Variants in CCDC148 observed in about 807,000 individuals in gnomAD.
CCDC148 encodes the protein coiled-coil domain-containing protein 148.
In CCDC148, 89 loss-of-function variants were observed where a neutral mutation model predicts 85.7. That is an observed-to-expected ratio of 1.04 (90% CI 0.87 to 1.24). The LOEUF (loss-of-function observed/expected upper bound fraction) is 1.24. Ranked by LOEUF, CCDC148 falls within the 50% of genes most tolerant of loss-of-function variation. The probability of loss-of-function intolerance (pLI) is 0.00; values close to 1 mark genes in which losing one functional copy is unlikely to be tolerated. For missense variants in CCDC148, 692 were observed against 671.7 expected, an observed-to-expected ratio of 1.03 and a Z score of -0.33; for synonymous variants, 230 against 213.9, an observed-to-expected ratio of 1.08 and a Z score of -0.66.
chr2:158,283,516 CAG>C (rs1340663891), intron 9 of CCDC148, among the ~76,000 whole-genome samples: 2 of 152,166 alleles, frequency 1.3e-5, no homozygotes, highest in Non-Finnish European at 1.5e-5. Flanking sequence ...CCAAAAGACA[CAG>C]GAAAAAATGC....
intron 1 of CCDC148, among the ~76,000 whole-genome samples, chr2:158,415,941 A>C (rs58834821): frequency 0.17 from 25,351 of 152,196 alleles, 2,276 homozygotes; most frequent in Middle Eastern, 0.21. Flanking sequence ...GAGGTTCTCC[A>C]TGAGGGCTCT....
intron 1 of CCDC148, among the ~76,000 whole-genome samples, chr2:158,396,412 A>G (rs1021245177): frequency 5.3e-5 from 8 of 152,138 alleles, no homozygotes; most frequent in African/African-American, 1.9e-4. Context: ...GTCAGTTGCC[A>G]TTTATCATCT....
At chr2:158,322,789 T>A (rs1692579491) in intron 7 of CCDC148, among the ~76,000 whole-genome samples, 1 of 152,062 alleles carries the variant, frequency 6.6e-6, no homozygotes, top group South Asian at 2.1e-4. Flanking sequence ...AATTGTTAAA[T>A]CATTGTGGGT....
chr2:158,223,379 G>T (rs149810774), intron 10 of CCDC148, among the ~76,000 whole-genome samples: 2 of 152,200 alleles, frequency 1.3e-5, no homozygotes, highest in African/African-American at 2.4e-5. Flanking sequence ...TGCCTCTGTA[G>T]ACTCCACTCT....
At chr2:158,431,810 TGC>T in intron 1 of CCDC148, among the ~76,000 whole-genome samples, 1 of 152,180 alleles carries the variant, frequency 6.6e-6, no homozygotes, top group South Asian at 2.1e-4. Context: ...TGATGGTGTG[TGC>T]CTGTAATCGC....
At chr2:158,451,697 G>A (rs6744011) in intron 1 of CCDC148, among the ~76,000 whole-genome samples, 1 of 151,726 alleles carries the variant, frequency 6.6e-6, no homozygotes, top group Non-Finnish European at 1.5e-5. Context: ...GAGAGTAGGG[G>A]ATAGAGACAC....
rs528029135 is a variant in CCDC148, at chr2:158,393,408, G to A, written c.26-34838C>T. Reference sequence around the variant, plus strand: ...GCTTAGGATGGAGGGCCAAGGTGGAGAAAGATAGGACAGGTGATGTATAAG... The same window carrying A: ...GCTTAGGATGGAGGGCCAAGGTGGAAAAAGATAGGACAGGTGATGTATAAG... On this transcript the variant is annotated intron_variant, in intron 1 of 13. Coordinates refer to ENST00000283233, the MANE Select transcript of CCDC148 (RefSeq NM_138803.4). 4 of 152,298 alleles carry A rather than the reference G, an allele frequency of 2.6e-5. No homozygotes were observed. The South Asian group carries it at 6.2e-4, about 24-fold the overall frequency. 9.4% of individuals were successfully genotyped at this position (152,298 alleles called of 1,614,324 possible).
In CCDC148 at chr2:158,322,757, G is replaced by A. The variant is rs556551180; in HGVS notation, c.765-8863C>T. Among the ~76,000 whole-genome samples, 3 of 152,108 alleles carry A rather than the reference G, an allele frequency of 2.0e-5. No individual in the cohort carries two copies. In the East Asian group the frequency reaches 5.8e-4, roughly 29 times the overall value. On this transcript the variant is annotated intron_variant, in intron 7 of 13. Coordinates refer to ENST00000283233, the MANE Select transcript of CCDC148 (RefSeq NM_138803.4). ...AGAAAATATAAAACTATGGGCATCAGCAATGTACATACAGAGGAGAAAATT... is the reference window on the plus strand; with the variant it reads ...AGAAAATATAAAACTATGGGCATCAACAATGTACATACAGAGGAGAAAATT...
chr2:158,385,440 A>G (rs1685047051), intron 1 of CCDC148, among the ~76,000 whole-genome samples: 2 of 152,166 alleles, frequency 1.3e-5, no homozygotes, highest in African/African-American at 2.4e-5. Flanking sequence ...TAAGCACTAT[A>G]CATGTATTAA....
At chr2:158,319,180 C>T (rs913801499) in intron 7 of CCDC148, among the ~76,000 whole-genome samples, 1 of 152,148 alleles carries the variant, frequency 6.6e-6, no homozygotes, top group African/African-American at 2.4e-5. Context: ...GCAGACATTG[C>T]TCCCACCCCT....
intron 1 of CCDC148, among the ~76,000 whole-genome samples, chr2:158,423,196 C>G (rs1010904900): frequency 4.6e-5 from 7 of 152,120 alleles, no homozygotes; most frequent in African/African-American, 1.7e-4. Flanking sequence ...CATCAAGCTA[C>G]CAATGACTTT....
chr2:158,298,517 C>T (rs903167213), intron 9 of CCDC148, among the ~76,000 whole-genome samples: 1 of 152,120 alleles, frequency 6.6e-6, no homozygotes. Context: ...TTCCACACCT[C>T]TCTTATGTTA....
At chr2:158,230,741 T>C (rs1687815266) in intron 10 of CCDC148, among the ~76,000 whole-genome samples, 1 of 152,090 alleles carries the variant, frequency 6.6e-6, no homozygotes, top group Admixed American at 6.6e-5. Context: ...GGAGACCAGT[T>C]AGAAGGAAAA....
intron 11 of CCDC148, among the ~76,000 whole-genome samples, chr2:158,192,646 G>C (rs1685478159): frequency 6.6e-6 from 1 of 151,944 alleles, no homozygotes; most frequent in African/African-American, 2.4e-5. Context: ...CTTAGGAAAA[G>C]AGCTCTCTCC....
chr2:158,258,174 T>C, intron 9 of CCDC148, among the ~76,000 whole-genome samples: 1 of 151,864 alleles, frequency 6.6e-6, no homozygotes, highest in African/African-American at 2.4e-5. Context: ...AATGTATTAA[T>C]GCTGTGTCAA....
intron 2 of CCDC148, among the ~76,000 whole-genome samples, chr2:158,354,505 A>G (rs1574678576): frequency 1.3e-5 from 2 of 152,062 alleles, no homozygotes; most frequent in Non-Finnish European, 2.9e-5. Flanking sequence ...CTCGACACAT[A>G]CACTCTCCCA....
At chr2:158,348,405 A>G (rs775140725) in intron 2 of CCDC148, among the ~76,000 whole-genome samples, 1 of 150,188 alleles carries the variant, frequency 6.7e-6, no homozygotes, top group Non-Finnish European at 1.5e-5. Context: ...AAAATAAATT[A>G]CAAAATACAA....
At chr2:158,318,078 C>A (rs1692360135) in intron 7 of CCDC148, among the ~76,000 whole-genome samples, 1 of 152,124 alleles carries the variant, frequency 6.6e-6, no homozygotes, top group South Asian at 2.1e-4. Context: ...TTTTTTCTTT[C>A]CAAGACAGAA....
At chr2:158,259,317 G>A (rs1689127429) in intron 9 of CCDC148, among the ~76,000 whole-genome samples, 1 of 151,806 alleles carries the variant, frequency 6.6e-6, no homozygotes, top group African/African-American at 2.4e-5. Context: ...CTTGACTGGT[G>A]CCTGTTTCCC....
Sources: gnomAD v4.1 joint callset for allele counts (sites outside exome capture counted in the v4.1 genomes callset) on GRCh38, gnomAD v4.1.1 for gene constraint, MANE v1.5 for transcripts, NCBI Gene and HGNC (gene_info 2026-07-23, HGNC 2026-07-21) for gene names.